WDTC1: variants seen among roughly 807,000 people sequenced by gnomAD.
WDTC1 encodes WD and tetratricopeptide repeats 1, also known as WD and tetratricopeptide repeats protein 1.
Under a neutral mutation model 76.0 loss-of-function variants are expected in WDTC1, and 12 were observed. That is an observed-to-expected ratio of 0.16 (90% CI 0.10 to 0.26). WDTC1 has a LOEUF of 0.26. WDTC1 is among the 10% of genes least tolerant of loss of function. The pLI, the probability that WDTC1 is intolerant of heterozygous loss-of-function variation, is 1.00. For missense variants in WDTC1, 511 were observed against 908.8 expected, an observed-to-expected ratio of 0.56 and a Z score of 5.63; for synonymous variants, 326 against 350.8, an observed-to-expected ratio of 0.93 and a Z score of 0.79.
chr1:27,236,020 C>CA (rs1423022487), intron 1 of WDTC1, among the ~76,000 whole-genome samples: 1 of 152,116 alleles, frequency 6.6e-6, no homozygotes, highest in Non-Finnish European at 1.5e-5. Context: ...GCTTCTGACT[C>CA]AAAGACGTTA....
chr1:27,236,567 G>A (rs1290926730), intron 1 of WDTC1, among the ~76,000 whole-genome samples: 2 of 152,126 alleles, frequency 1.3e-5, no homozygotes, highest in African/African-American at 4.8e-5. Context: ...GAGAGAACAC[G>A]TGTAAATATT....
chr1:27,237,352 T>C (rs998070336), intron 1 of WDTC1, among the ~76,000 whole-genome samples: 4 of 152,218 alleles, frequency 2.6e-5, no homozygotes, highest in Non-Finnish European at 5.9e-5. Context: ...AAACAGAACA[T>C]GTAATCTGGT....
chr1:27,304,264 A>G (rs752284319), intron 14 of WDTC1: 58 of 164,568 alleles, frequency 3.5e-4, no homozygotes, highest in Non-Finnish European at 6.5e-4. Context: ...CCCACCCCTC[A>G]TTTGTAGATG....
At chr1:27,296,470 G>C in intron 10 of WDTC1, 69 bp downstream of exon 10, 4 of 1,530,938 alleles carry the variant, frequency 2.6e-6, no homozygotes, top group Non-Finnish European at 3.6e-6. Flanking sequence ...TACACCTGCT[G>C]AGAAGCCTGC....
intron 8 of WDTC1, 54 bp from the exon 9 acceptor site, chr1:27,294,460 C>T: frequency 6.7e-7 from 1 of 1,497,514 alleles, no homozygotes; most frequent in South Asian, 1.1e-5. Context: ...CACACAATCT[C>T]ATGCCCCTTT....
rs891462399 is a variant in WDTC1 at position 27,274,132 on chromosome 1, A to G, written c.133-8107A>G. On this transcript the variant is annotated intron_variant, in intron 3 of 15. Coordinates refer to ENST00000319394, the MANE Select transcript of WDTC1 (RefSeq NM_001276252.2). This position sits in a 1 kb window ranked among gnomAD's most constrained non-coding sequence, Gnocchi z 4.2. ...TAACAGGACCTCATCTCTACAAAAA[A>G]ATACAAAAATTAACCAGGTGTGGTG... 2.0e-5 allele frequency among the ~76,000 whole-genome samples: 3 copies of G among 151,874 alleles called. No homozygotes were observed. Among genetic ancestry groups the G allele is most frequent in the African/African-American group, 7.3e-5 (3 of 41,356 alleles).
At chr1:27,297,268 C>A in intron 11 of WDTC1, 112 bp downstream of exon 11, 2 of 994,884 alleles carry the variant, frequency 2.0e-6, no homozygotes, top group South Asian at 1.6e-5. Context: ...TCATGCATCC[C>A]AGAGAGTGAG....
At position 27,305,565 on chromosome 1, in the gene WDTC1, A is replaced by C; in HGVS notation, c.1836+372A>C. Among the ~76,000 whole-genome samples the C allele has an allele frequency of 6.6e-6, 1 of 152,118 alleles. No individual in the cohort carries two copies. Among genetic ancestry groups the C allele is most frequent in the East Asian group, 1.9e-4 (1 of 5,186 alleles). On this transcript the variant is annotated intron_variant, in intron 15 of 15. Transcript: ENST00000319394. The surrounding 1 kb of genome is among the most constrained non-coding windows in gnomAD (Gnocchi z 4.6). Reference sequence around the variant, plus strand: ...CCTTGAAAGGTTGTGGTGAGAAGTAAAGAAGAGATGCCTGTGAAGTGTCCA... The same window carrying C: ...CCTTGAAAGGTTGTGGTGAGAAGTACAGAAGAGATGCCTGTGAAGTGTCCA...
rs1043884764 is a variant in WDTC1, at chr1:27,244,966, G to A, written c.-100+10015G>A. Among the ~76,000 whole-genome samples, 3 of 151,888 alleles carry A rather than the reference G, an allele frequency of 2.0e-5. 1 individual carries two copies. The highest frequency in any genetic ancestry group is 7.3e-5 in the African/African-American group (3 of 41,230). On this transcript the variant is annotated intron_variant, in intron 1 of 15. Coordinates refer to ENST00000319394, the MANE Select transcript of WDTC1 (RefSeq NM_001276252.2). The stretch of plus-strand genomic sequence containing the variant: ...TAGTGTCATCGGAAGGGGTTTTGTA[G>A]CTTATCTCAGAGTCCACCTCTCATT...
At chr1:27,260,074 C>G (rs116555147) in intron 1 of WDTC1, among the ~76,000 whole-genome samples, 5,135 of 151,896 alleles carry the variant, frequency 0.034, 120 homozygotes, top group Middle Eastern at 0.048. Context: ...GCCTACCTAC[C>G]AGGATTTTTT....
Position 27,296,487 on chromosome 1 carries a change from C to T in WDTC1, c.949+86C>T, listed in dbSNP as rs2013688830. 3 of 1,414,166 alleles carry T rather than the reference C, an allele frequency of 2.1e-6. No individual in the cohort carries two copies. In the Admixed American group the frequency reaches 5.2e-5, roughly 25 times the overall value. The allele number at this position is 1,414,166 out of a possible 1,614,324, so 87.6% of individuals were successfully genotyped here. A position where few individuals can be genotyped will look rare whatever the true frequency, so the allele number is the denominator to read the frequency against. On this transcript the variant is annotated intron_variant, in intron 10 of 15. Coordinates refer to ENST00000319394, the MANE Select transcript of WDTC1 (RefSeq NM_001276252.2). The stretch of plus-strand genomic sequence containing the variant: ...CACCTGCTGAGAAGCCTGCCCTTTA[C>T]TCTGGACCGTGATCCTCCAAAAATA...
intron 3 of WDTC1, among the ~76,000 whole-genome samples, chr1:27,275,047 T>A (rs1042738007): frequency 1.4e-4 from 21 of 152,362 alleles, no homozygotes; most frequent in African/African-American, 4.8e-4. Context: ...ATGTCTGTTT[T>A]AAAAATGGCT....
chr1:27,306,304 C>T lies in WDTC1; in HGVS notation c.1955C>T (p.Thr652Met), dbSNP rs1481619421. Residue 652 changes from threonine (T) to methionine (M), a missense_variant, in exon 16 of 16, where the codon ACG becomes ATG. Thr to Met is a moderately conservative substitution (Grantham distance 81). Coordinates refer to ENST00000319394, the MANE Select transcript of WDTC1 (RefSeq NM_001276252.2). This position sits in a 1 kb window ranked among gnomAD's most constrained non-coding sequence, Gnocchi z 5.0. ...CTGCTCAACATGGGCTACCGGATCA[C>T]GGGCCTGAGCAGTGGGGGTGCCGGG... ...VMLLNMGYRI[T>M]GLSSGGAGAS... 5.6e-6 allele frequency: 9 copies of T among 1,613,934 alleles called. No individual in the cohort carries two copies. The highest frequency in any genetic ancestry group is 1.3e-5 in the African/African-American group (1 of 74,908).
chr1:27,254,666 T>C (rs894866550), intron 1 of WDTC1, among the ~76,000 whole-genome samples: 3 of 151,998 alleles, frequency 2.0e-5, no homozygotes, highest in African/African-American at 7.2e-5. Context: ...GGAGTTTCGC[T>C]CTGTCATCCA....
chr1:27,276,650 G>A lies in WDTC1; in HGVS notation c.133-5589G>A, dbSNP rs185268879. Among the ~76,000 whole-genome samples the A allele has an allele frequency of 4.5e-3, 672 of 150,786 alleles. 5 individuals are homozygous for A. Among genetic ancestry groups the A allele is most frequent in the African/African-American group, 0.015 (635 of 41,022 alleles). On this transcript the variant is annotated intron_variant, in intron 3 of 15. Transcript: ENST00000319394. ...GGAGATTGCAGTGAGCCGAGATTGC[G>A]CCACTGCACTCCAGCCTGGGTGACA...
intron 6 of WDTC1, among the ~76,000 whole-genome samples, chr1:27,289,787 G>A (rs10159233): frequency 0.97 from 145,052 of 149,206 alleles, 70,628 homozygotes; most frequent in Non-Finnish European, 1. Flanking sequence ...GCTGGAGACC[G>A]GCCCGGCCAA....
At chr1:27,251,106 G>A (rs1419324501) in intron 1 of WDTC1, among the ~76,000 whole-genome samples, 1 of 128,862 alleles carries the variant, frequency 7.8e-6, no homozygotes, top group East Asian at 2.3e-4. Context: ...GGCCAGGCTG[G>A]TCTCAAACTC....
rs370438665 is a variant in WDTC1 at position 27,306,077 on chromosome 1, C to G, written c.1837-109C>G. 1.3e-4 allele frequency: 160 copies of G among 1,233,290 alleles called. 5 individuals carry two copies. The East Asian group carries it at 1.5e-3, about 11-fold the overall frequency. 76.4% of individuals were successfully genotyped at this position (1,233,290 alleles called of 1,614,324 possible). ...ACCTCCTGGCATGTATGTGTACCTC[C>G]CCCTATAGATAGTTTAGTCTGTGTA... On this transcript the variant is annotated intron_variant, in intron 15 of 15. Transcript: ENST00000319394. This position sits in a 1 kb window ranked among gnomAD's most constrained non-coding sequence, Gnocchi z 5.0.
chr1:27,254,423 C>A (rs2012203976), intron 1 of WDTC1, among the ~76,000 whole-genome samples: 1 of 151,972 alleles, frequency 6.6e-6, no homozygotes, highest in African/African-American at 2.4e-5. Context: ...ATGGCGAAAC[C>A]CTGTCTCTGC....
Sources: gnomAD v4.1 joint callset for allele counts (sites outside exome capture counted in the v4.1 genomes callset) on GRCh38, gnomAD v4.1.1 for gene constraint, Gnocchi (gnomAD v3.1) non-coding constraint, MANE v1.5 for transcripts, NCBI Gene and HGNC (gene_info 2026-07-23, HGNC 2026-07-21) for gene names.